The following ZCWPW2 variants were observed in gnomAD, a reference collection of about 807,000 sequenced individuals.
ZCWPW2 encodes the protein zinc finger CW-type PWWP domain protein 2.
Under a neutral mutation model 46.6 loss-of-function variants are expected in ZCWPW2, and 45 were observed. That is an observed-to-expected ratio of 0.96 (90% CI 0.76 to 1.24). The LOEUF (loss-of-function observed/expected upper bound fraction) is 1.24. ZCWPW2 is among the 50% of genes most tolerant of loss of function. The probability of loss-of-function intolerance (pLI) is 0.00; values close to 1 mark genes in which losing one functional copy is unlikely to be tolerated. For missense variants in ZCWPW2, 429 were observed against 403.9 expected (o/e 1.06, Z -0.53); for synonymous variants, 152 against 137.1 (o/e 1.11, Z -0.76).
At chr3:28,434,985 A>C in intron 3 of ZCWPW2, 125 bp from the exon 4 acceptor site, 2 of 926,858 alleles carry the variant, frequency 2.2e-6, no homozygotes, top group Non-Finnish European at 3.2e-6. Flanking sequence ...AGATATAAGT[A>C]GGAATATATG....
intron 1 of ZCWPW2, among the ~76,000 whole-genome samples, chr3:28,352,313 C>T (rs1049103445): frequency 2.0e-5 from 3 of 152,124 alleles, no homozygotes; most frequent in South Asian, 2.1e-4. Context: ...AAGGCTTTCC[C>T]GGGGGGGTTA....
At chr3:28,383,738 T>G (rs1695177403) in intron 1 of ZCWPW2, among the ~76,000 whole-genome samples, 1 of 152,076 alleles carries the variant, frequency 6.6e-6, no homozygotes, top group Non-Finnish European at 1.5e-5. Context: ...ATTAAAAGCC[T>G]CCCTCACATG....
chr3:28,392,763 A>G (rs1695546951), intron 2 of ZCWPW2, among the ~76,000 whole-genome samples: 1 of 152,118 alleles, frequency 6.6e-6, no homozygotes, highest in Non-Finnish European at 1.5e-5. Context: ...ATTTTGAGAT[A>G]AAGAAAAAGA....
chr3:28,411,503 T>C (rs1009827870), intron 2 of ZCWPW2, among the ~76,000 whole-genome samples: 3 of 151,854 alleles, frequency 2.0e-5, no homozygotes, highest in South Asian at 4.1e-4. Flanking sequence ...TTCTAGTCAA[T>C]GTTATATCTG....
At position 28,479,913 on chromosome 3, in the gene ZCWPW2, C is replaced by T. The variant is rs142335525; in HGVS notation, c.610+982C>T. On this transcript the variant is annotated intron_variant, in intron 5 of 9. Transcript: ENST00000383768. The stretch of plus-strand genomic sequence containing the variant: ...TACAGGTACCATATTTTCTTTATTG[C>T]AGTGTACAGGTGCCACATTTTCTTT... Among the ~76,000 whole-genome samples the T allele has an allele frequency of 2.5e-3, 379 of 152,178 alleles. 1 individual carries two copies. Among genetic ancestry groups the T allele is most frequent in the African/African-American group, 8.3e-3 (346 of 41,536 alleles).
chr3:28,496,043 G>A (rs1302075198), intron 6 of ZCWPW2, among the ~76,000 whole-genome samples: 2 of 151,946 alleles, frequency 1.3e-5, no homozygotes, highest in African/African-American at 4.8e-5. Context: ...TAGGCTAAAA[G>A]CCAAGGAATG....
intron 4 of ZCWPW2, among the ~76,000 whole-genome samples, chr3:28,474,586 C>CGTGTGTGTGTGTGTGT (rs71087699): frequency 1.2e-4 from 16 of 136,202 alleles, no homozygotes; most frequent in Admixed American, 4.3e-4. Flanking sequence ...TTAAATACAG[C>CGTGTGTGTGTGTGTGT]GTGTGTGTGT....
At chr3:28,459,553 A>G (rs540779369) in intron 4 of ZCWPW2, among the ~76,000 whole-genome samples, 99 of 152,280 alleles carry the variant, frequency 6.5e-4, no homozygotes, top group Non-Finnish European at 1.2e-3. Context: ...TGTTTACTCT[A>G]TGGAATGTAT....
At chr3:28,375,249 G>A (rs996366535) in intron 1 of ZCWPW2, among the ~76,000 whole-genome samples, 2 of 151,588 alleles carry the variant, frequency 1.3e-5, no homozygotes, top group Non-Finnish European at 2.9e-5. Context: ...TAGTTGAAGT[G>A]AGTTTCTTGT....
At chr3:28,446,960 A>C (rs1195689742) in intron 4 of ZCWPW2, among the ~76,000 whole-genome samples, 2 of 152,140 alleles carry the variant, frequency 1.3e-5, no homozygotes, top group East Asian at 3.9e-4. Context: ...AGCAAAACTA[A>C]AGCATGAAGA....
chr3:28,366,617 G>T (rs13089032), intron 1 of ZCWPW2, among the ~76,000 whole-genome samples: 30,073 of 146,592 alleles, frequency 0.21, 3,837 homozygotes, highest in Middle Eastern at 0.29. Flanking sequence ...TTTTTGTTGT[G>T]TCTCTGCCAC....
chr3:28,507,965 G>A (rs1235816904), intron 6 of ZCWPW2, among the ~76,000 whole-genome samples: 1 of 152,054 alleles, frequency 6.6e-6, no homozygotes, highest in Non-Finnish European at 1.5e-5. Flanking sequence ...TTCATTTAGT[G>A]TTGCTATAAA....
chr3:28,511,659 T>C (rs1159599305), intron 6 of ZCWPW2, among the ~76,000 whole-genome samples: 1 of 152,186 alleles, frequency 6.6e-6, no homozygotes, highest in Admixed American at 6.5e-5. Flanking sequence ...TAAGATGCTT[T>C]CACCTTTGTC....
At chr3:28,383,395 T>G (rs1695165536) in intron 1 of ZCWPW2, among the ~76,000 whole-genome samples, 1 of 152,136 alleles carries the variant, frequency 6.6e-6, no homozygotes, top group South Asian at 2.1e-4. Context: ...ATCCGTGGGC[T>G]TATCATGGAT....
chr3:28,508,980 C>T (rs1559534010), intron 6 of ZCWPW2, among the ~76,000 whole-genome samples: 1 of 152,134 alleles, frequency 6.6e-6, no homozygotes, highest in Non-Finnish European at 1.5e-5. Context: ...AACAGTTTTT[C>T]ATCACCCTGA....
At chr3:28,468,723 A>G (rs758167868) in intron 4 of ZCWPW2, among the ~76,000 whole-genome samples, 3 of 152,240 alleles carry the variant, frequency 2.0e-5, no homozygotes, top group Non-Finnish European at 4.4e-5. Context: ...TAGCAAAAAT[A>G]TCCTTCAAAC....
chr3:28,463,942 G>T (rs1575165103), intron 4 of ZCWPW2, among the ~76,000 whole-genome samples: 1 of 151,306 alleles, frequency 6.6e-6, no homozygotes, highest in East Asian at 2.0e-4. Context: ...AAGGGAAAGA[G>T]AAGTAAAGGG....
At chr3:28,392,893 C>G (rs562858317) in intron 2 of ZCWPW2, among the ~76,000 whole-genome samples, 1 of 149,718 alleles carries the variant, frequency 6.7e-6, no homozygotes, top group East Asian at 2.0e-4. Flanking sequence ...CCTCAAGGAA[C>G]GAGGAGAAAA....
At chr3:28,433,131 C>T (rs1342316040) in intron 3 of ZCWPW2, among the ~76,000 whole-genome samples, 1 of 151,778 alleles carries the variant, frequency 6.6e-6, no homozygotes, top group Non-Finnish European at 1.5e-5. Flanking sequence ...ACACATACTC[C>T]CTACACTATA....
Sources: allele counts gnomAD v4.1 joint callset (sites outside exome capture counted in the v4.1 genomes callset), GRCh38; gene constraint gnomAD v4.1.1; transcripts MANE v1.5; gene names NCBI Gene and HGNC (gene_info 2026-07-23, HGNC 2026-07-21).